TLK1: variants seen among roughly 807,000 people sequenced by gnomAD.
TLK1 encodes tousled like kinase 1.
TLK1 carries 24 observed loss-of-function variants against 105.3 expected under a neutral mutation model. That is an observed-to-expected ratio of 0.23 (90% confidence interval 0.17 to 0.32). The LOEUF (loss-of-function observed/expected upper bound fraction) is 0.32. TLK1 is among the 10% of genes least tolerant of loss of function. The pLI is 1.00. For synonymous variants in TLK1, 321 were observed against 310.4 expected, an observed-to-expected ratio of 1.03 and a Z score of -0.36; for missense variants, 558 against 910.5, an observed-to-expected ratio of 0.61 and a Z score of 4.98.
At chr2:171,023,110 T>C (rs1340106211) in intron 12 of TLK1, 1 of 470,888 alleles carries the variant, frequency 2.1e-6, no homozygotes, top group African/African-American at 2.0e-5. Flanking sequence ...AGTGGCAGAG[T>C]TGTTGCTATA....
chr2:171,130,041 G>C (rs185705702), intron 1 of TLK1, among the ~76,000 whole-genome samples: 2 of 152,086 alleles, frequency 1.3e-5, no homozygotes, highest in African/African-American at 4.8e-5. Context: ...TAAGAACATG[G>C]GCTCTGTGGC....
intron 18 of TLK1, among the ~76,000 whole-genome samples, chr2:170,998,987 A>G (rs1684220753): frequency 6.6e-6 from 1 of 152,158 alleles, no homozygotes; most frequent in Non-Finnish European, 1.5e-5. Context: ...GCTGGTCTCG[A>G]ACTACTGGCC....
intron 1 of TLK1, among the ~76,000 whole-genome samples, chr2:171,219,642 C>G (rs1021478278): frequency 1.3e-5 from 2 of 151,648 alleles, no homozygotes; most frequent in Non-Finnish European, 2.9e-5. Flanking sequence ...GCTTTATCAC[C>G]CAGGCTGGAG....
chr2:171,070,694 G>A (rs1330681024), intron 3 of TLK1, among the ~76,000 whole-genome samples: 1 of 152,198 alleles, frequency 6.6e-6, no homozygotes, highest in Non-Finnish European at 1.5e-5. Context: ...TGCTTGGGTT[G>A]CTTACAAATC....
upstream of TLK1, chr2:171,160,990 A>AGCGGCGGCC (rs1336974215): frequency 7.5e-4 from 99 of 131,506 alleles, no homozygotes; most frequent in Middle Eastern, 3.8e-3. This position sits in a 1 kb window ranked among gnomAD's most constrained non-coding sequence, Gnocchi z 4.4. Flanking sequence ...CGGCGGCGGC[A>AGCGGCGGCC]GCGGCGGCCG....
chr2:171,111,856 A>G (rs983517145), intron 2 of TLK1, among the ~76,000 whole-genome samples: 1 of 152,246 alleles, frequency 6.6e-6, no homozygotes, highest in African/African-American at 2.4e-5. Flanking sequence ...ACTGAACTAC[A>G]TTCTTCCAGT....
intron 11 of TLK1, among the ~76,000 whole-genome samples, chr2:171,041,629 A>G (rs1435431355): frequency 6.6e-6 from 1 of 152,160 alleles, no homozygotes; most frequent in Non-Finnish European, 1.5e-5. Flanking sequence ...ATGAAAATAC[A>G]ATGCCTGATT....
At position 170,996,747 on chromosome 2, in the gene TLK1, T is replaced by C. The variant is rs1368367651; in HGVS notation, c.2030A>G (p.Asn677Ser). Reference protein sequence around the residue: ...CLYGRKPFGHNQSQQDILQEN... With the variant: ...CLYGRKPFGHSQSQQDILQEN... ...TTGAAGAATGTCTTGTTGAGATTGATTGTGACCAAATGGCTTAAAAAAAAA... is the reference window on the plus strand; with the variant it reads ...TTGAAGAATGTCTTGTTGAGATTGACTGTGACCAAATGGCTTAAAAAAAAA... The change falls in exon 20 of 21, where the codon AAT becomes AGT. Residue 677 changes from asparagine (N) to serine (S), a missense_variant. Around this residue, in one of 5 missense-constraint regions of TLK1, gnomAD observed 218 missense variants for 492.9 expected, o/e 0.44. Coordinates refer to ENST00000431350, the MANE Select transcript of TLK1 (RefSeq NM_012290.5). 6.2e-7 allele frequency: 1 copy of C among 1,607,940 alleles called. No homozygotes were observed. The highest frequency in any genetic ancestry group is 8.5e-7 in the Non-Finnish European group (1 of 1,178,076).
At chr2:171,185,746 A>AT (rs2105310353) in intron 1 of TLK1, among the ~76,000 whole-genome samples, 1 of 152,222 alleles carries the variant, frequency 6.6e-6, no homozygotes, top group Non-Finnish European at 1.5e-5. Flanking sequence ...ACGCTTTTAC[A>AT]TTTTTATTGC....
intron 2 of TLK1, among the ~76,000 whole-genome samples, chr2:171,112,881 G>C (rs757579197): frequency 5.9e-5 from 9 of 152,092 alleles, no homozygotes; most frequent in Admixed American, 5.9e-4. Flanking sequence ...TAAACAGGGA[G>C]ACATTTCATG....
At chr2:171,130,503 A>G (rs1056930233) in intron 1 of TLK1, among the ~76,000 whole-genome samples, 2 of 144,082 alleles carry the variant, frequency 1.4e-5, no homozygotes, top group African/African-American at 5.5e-5. Context: ...TAATACATGT[A>G]AGGTTTTGGC....
intron 17 of TLK1, 57 bp from the exon 18 acceptor site, chr2:171,006,339 A>G (rs1187052186): frequency 2.0e-6 from 3 of 1,498,260 alleles, no homozygotes; most frequent in East Asian, 2.4e-5. Flanking sequence ...CATAACTTTA[A>G]TAACTTTTAA....
At chr2:171,028,200 A>T (rs1481763408) in intron 12 of TLK1, 139 bp downstream of exon 12, 2 of 657,424 alleles carry the variant, frequency 3.0e-6, no homozygotes, top group Non-Finnish European at 5.4e-6. Context: ...ACTTTAATGC[A>T]TCTCTTTTTA....
chr2:171,189,223 A>G (rs1213243104), intron 1 of TLK1, among the ~76,000 whole-genome samples: 1 of 150,096 alleles, frequency 6.7e-6, no homozygotes. Context: ...CTAGAGTGCA[A>G]TGGCACAATC....
chr2:170,999,425 G>C (rs949351962), intron 18 of TLK1, among the ~76,000 whole-genome samples: 3 of 152,164 alleles, frequency 2.0e-5, no homozygotes, highest in African/African-American at 7.2e-5. Context: ...GTGTCTATGT[G>C]TGTAACTGAA....
chr2:171,110,898 G>C (rs1690131528), intron 2 of TLK1, among the ~76,000 whole-genome samples: 1 of 152,092 alleles, frequency 6.6e-6, no homozygotes, highest in Non-Finnish European at 1.5e-5. Flanking sequence ...TGGGGAGAAA[G>C]TCCCATAACC....
At chr2:171,148,840 A>T (rs1302037419) in intron 1 of TLK1, among the ~76,000 whole-genome samples, 3 of 148,772 alleles carry the variant, frequency 2.0e-5, no homozygotes, top group Non-Finnish European at 4.4e-5. Context: ...AGATCGTGCC[A>T]CTACACTCCA....
At chr2:171,087,621 A>G (rs924628265) in intron 2 of TLK1, among the ~76,000 whole-genome samples, 2 of 152,190 alleles carry the variant, frequency 1.3e-5, no homozygotes, top group Non-Finnish European at 2.9e-5. Flanking sequence ...AGTTCACTCA[A>G]TCTCCCAAGC....
At chr2:171,003,823 G>GAAAA (rs1684514508) in intron 18 of TLK1, among the ~76,000 whole-genome samples, 1 of 152,226 alleles carries the variant, frequency 6.6e-6, no homozygotes, top group Admixed American at 6.5e-5. Context: ...GGTACAGTCT[G>GAAAA]TGTTTGTATA....
Sources: gnomAD v4.1 joint callset for allele counts (sites outside exome capture counted in the v4.1 genomes callset) on GRCh38, gnomAD v4.1.1 for gene constraint, gnomAD v4.1.1 regional missense constraint, Gnocchi (gnomAD v3.1) non-coding constraint, MANE v1.5 for transcripts, NCBI Gene and HGNC (gene_info 2026-07-23, HGNC 2026-07-21) for gene names.